The following CERK variants were observed in gnomAD, a reference collection of about 807,000 sequenced individuals.
The protein encoded by CERK is acylsphingosine kinase.
Under a neutral mutation model 63.4 loss-of-function variants are expected in CERK, and 39 were observed. The ratio of observed to expected loss-of-function variants is 0.61; its 90% CI spans 0.48 to 0.80. The LOEUF (loss-of-function observed/expected upper bound fraction) is 0.80. Among genes scored for constraint, CERK ranks in the 30% least tolerant of loss-of-function variants. The pLI is 0.00. For missense variants in CERK, 670 were observed against 714.1 expected (o/e 0.94, Z 0.70); for synonymous variants, 302 against 280.0 (o/e 1.08, Z -0.78).
chr22:46,734,149 G>GC (rs1601734015), intron 1 of CERK, among the ~76,000 whole-genome samples: 2 of 151,422 alleles, frequency 1.3e-5, no homozygotes, highest in East Asian at 3.9e-4. Context: ...CAAAAGCATA[G>GC]CCCCTAAAGG....
intron 3 of CERK, among the ~76,000 whole-genome samples, chr22:46,712,678 A>G (rs1244294707): frequency 1.3e-5 from 2 of 152,060 alleles, no homozygotes; most frequent in Non-Finnish European, 2.9e-5. Context: ...AGACAGAGGG[A>G]AGAGTCTTAG....
chr22:46,733,208 CAAAA>C (rs35759818), intron 1 of CERK, among the ~76,000 whole-genome samples: 1 of 77,356 alleles, frequency 1.3e-5, no homozygotes. Flanking sequence ...GACTCTGTCT[CAAAA>C]AAAAAAAAAA....
intron 12 of CERK, among the ~76,000 whole-genome samples, chr22:46,689,017 C>A (rs2082716717): frequency 6.6e-6 from 1 of 152,260 alleles, no homozygotes; most frequent in Non-Finnish European, 1.5e-5. Flanking sequence ...TGATACATCA[C>A]AGACTTCCAA....
chr22:46,719,204 A>C (rs1251271120), intron 3 of CERK, among the ~76,000 whole-genome samples: 1 of 135,136 alleles, frequency 7.4e-6, no homozygotes, highest in Non-Finnish European at 1.6e-5. Context: ...TAAACTTTTA[A>C]GTTCACGGGT....
intron 1 of CERK, among the ~76,000 whole-genome samples, chr22:46,724,885 G>C (rs1419292340): frequency 1.1e-4 from 17 of 152,164 alleles, no homozygotes; most frequent in Non-Finnish European, 4.4e-5. Flanking sequence ...GCCGGGTGTG[G>C]TGGCGGGCAC....
intron 1 of CERK, among the ~76,000 whole-genome samples, chr22:46,722,678 C>T (rs2146583832): frequency 6.6e-6 from 1 of 152,132 alleles, no homozygotes; most frequent in East Asian, 1.9e-4. Flanking sequence ...CCCTCCTCAG[C>T]CTCCCAAGTA....
At chr22:46,689,284 G>A in intron 12 of CERK, among the ~76,000 whole-genome samples, 1 of 152,250 alleles carries the variant, frequency 6.6e-6, no homozygotes, top group East Asian at 1.9e-4. Context: ...ACCTGCACTT[G>A]GTGATTGACT....
Position 46,738,136 on chromosome 22 carries a change from C to G in CERK, c.13G>C (p.Gly5Arg). 1 of 1,215,430 alleles carries G rather than the reference C, an allele frequency of 8.2e-7. No individual in the cohort carries two copies. Among genetic ancestry groups the G allele is most frequent in the Non-Finnish European group, 1.0e-6 (1 of 974,362 alleles). 75.3% of individuals were successfully genotyped at this position (1,215,430 alleles called of 1,614,324 possible). The change falls in exon 1 of 13, where the codon GGG becomes CGG. Residue 5 changes from glycine (G) to arginine (R), a missense_variant. Gly to Arg is a moderately radical substitution (Grantham distance 125). Coordinates refer to ENST00000216264, the MANE Select transcript of CERK (RefSeq NM_022766.6). MGAT[G>R]AAEPLQSVLW... ...ACGGATTGCAGCGGCTCCGCCGCCCCCGTCGCCCCCATCTCCGCCGCCGGG... is the reference window on the plus strand; with the variant it reads ...ACGGATTGCAGCGGCTCCGCCGCCCGCGTCGCCCCCATCTCCGCCGCCGGG...
At chr22:46,690,264 A>G in intron 11 of CERK, 64 bp from the exon 12 acceptor site, 1 of 1,395,152 alleles carries the variant, frequency 7.2e-7, no homozygotes. Flanking sequence ...GGGGCAGCAG[A>G]ACACCCCAGG....
chr22:46,702,363 T>C (rs1159585083), intron 6 of CERK, among the ~76,000 whole-genome samples: 1 of 151,186 alleles, frequency 6.6e-6, no homozygotes, highest in Middle Eastern at 3.2e-3. Context: ...GGCGTGATCT[T>C]GGCTCACTGC....
chr22:46,690,898 TAAAG>T (rs1319639130), intron 11 of CERK, among the ~76,000 whole-genome samples: 4 of 152,352 alleles, frequency 2.6e-5, no homozygotes, highest in African/African-American at 9.6e-5. Flanking sequence ...AGTTGTATTA[TAAAG>T]ATTCATACCT....
chr22:46,718,537 C>T (rs1254736423), intron 3 of CERK, among the ~76,000 whole-genome samples: 1 of 152,118 alleles, frequency 6.6e-6, no homozygotes, highest in Non-Finnish European at 1.5e-5. Flanking sequence ...GTGGTGGAGG[C>T]CAAGTCCCCC....
intron 7 of CERK, among the ~76,000 whole-genome samples, chr22:46,700,144 A>G (rs2082776449): frequency 1.3e-5 from 2 of 152,242 alleles, no homozygotes; most frequent in South Asian, 2.1e-4. Flanking sequence ...AAGTAACCCC[A>G]GCACTTTGGG....
At chr22:46,737,291 C>CAAAAA (rs34667609) in intron 1 of CERK, among the ~76,000 whole-genome samples, 4 of 69,340 alleles carry the variant, frequency 5.8e-5, no homozygotes, top group East Asian at 4.3e-4. Flanking sequence ...CACTCCGACT[C>CAAAAA]AAAAAAAAAA....
At chr22:46,722,712 C>T (rs1041582898) in intron 1 of CERK, among the ~76,000 whole-genome samples, 1 of 152,176 alleles carries the variant, frequency 6.6e-6, no homozygotes, top group African/African-American at 2.4e-5. Flanking sequence ...GTTCCCACCA[C>T]CAGGTCCAGC....
chr22:46,707,446 C>T (rs1208947307), intron 6 of CERK, among the ~76,000 whole-genome samples: 1 of 152,190 alleles, frequency 6.6e-6, no homozygotes, highest in African/African-American at 2.4e-5. Context: ...CTCCTCCCAA[C>T]TCCCCAGCCC....
intron 8 of CERK, among the ~76,000 whole-genome samples, chr22:46,696,008 G>T (rs902800134): frequency 1.3e-5 from 2 of 152,216 alleles, no homozygotes; most frequent in Admixed American, 1.3e-4. Flanking sequence ...CGTGTCTGAT[G>T]CTGGGGCTGG....
chr22:46,722,638 C>T (rs2082898148), intron 1 of CERK, among the ~76,000 whole-genome samples: 1 of 151,322 alleles, frequency 6.6e-6, no homozygotes, highest in African/African-American at 2.4e-5. Context: ...CGGCTCACCG[C>T]AACCTCCACC....
chr22:46,709,483 A>C (rs1023053145), intron 5 of CERK, among the ~76,000 whole-genome samples: 2 of 151,950 alleles, frequency 1.3e-5, no homozygotes, highest in African/African-American at 4.8e-5. Flanking sequence ...TGAACAGAAC[A>C]CTCCCGCATT....
Sources: allele counts gnomAD v4.1 joint callset (sites outside exome capture counted in the v4.1 genomes callset), GRCh38; gene constraint gnomAD v4.1.1; transcripts MANE v1.5; gene names NCBI Gene and HGNC (gene_info 2026-07-23, HGNC 2026-07-21).